NOP9: variants seen among roughly 807,000 people sequenced by gnomAD.
NOP9 encodes the protein NOP9 nucleolar protein.
Under a neutral mutation model 63.0 loss-of-function variants are expected in NOP9, and 50 were observed. The observed-to-expected ratio is 0.79, with a 90% CI of 0.63 to 1.00. The LOEUF is 1.00. Ranked by LOEUF, NOP9 falls within the 50% of genes least tolerant of loss-of-function variation. The pLI is 0.00. For synonymous variants in NOP9, 343 were observed against 332.8 expected (o/e 1.03, Z -0.33); for missense variants, 758 against 803.0 (o/e 0.94, Z 0.68).
At chr14:24,280,153 A>G in the NOP9 span, among the ~76,000 whole-genome samples, 2 of 152,226 alleles carry the variant, frequency 1.3e-5, no homozygotes, top group Non-Finnish European at 2.9e-5. Flanking sequence ...TGCCTCACTG[A>G]GCATACAGGC....
At chr14:24,293,903 A>T in the NOP9 span, 1 of 152,238 alleles carries the variant, frequency 6.6e-6, no homozygotes, top group African/African-American at 2.4e-5. Flanking sequence ...CAGTAGACTG[A>T]TAAGTCAATG....
chr14:24,285,206 G>GA, the NOP9 span, among the ~76,000 whole-genome samples: 2 of 152,216 alleles, frequency 1.3e-5, no homozygotes, highest in Non-Finnish European at 2.9e-5. Context: ...AGCCATGTTT[G>GA]GGTCCATATC....
upstream of NOP9, among the ~76,000 whole-genome samples, chr14:24,296,225 G>A (rs1259016332): frequency 1.3e-5 from 2 of 152,246 alleles, no homozygotes; most frequent in Non-Finnish European, 1.5e-5. Context: ...CTGAGAGGAG[G>A]AGGCTTCCTC....
rs767612914 is a variant in NOP9, at chr14:24,304,973, G to C, written c.1789G>C (p.Gly597Arg). The change falls in exon 10 of 10, where the codon GGC (glycine) becomes CGC (arginine). Residue 597 changes from glycine (G) to arginine (R), a missense_variant. Coordinates refer to ENST00000267425, the MANE Select transcript of NOP9 (RefSeq NM_174913.3). ...CCAGGAGCTGATAAGAGACCCTTTC[G>C]GCCACCATGTGGCTCGAAATGTGGC... ...QNQELIRDPF[G>R]HHVARNVALT... 4 of 1,581,978 alleles carry C rather than the reference G, an allele frequency of 2.5e-6. No individual in the cohort carries two copies. The highest frequency in any genetic ancestry group is 3.4e-6 in the Non-Finnish European group (4 of 1,165,670).
chr14:24,273,390 G>C, the NOP9 span, among the ~76,000 whole-genome samples: 2 of 152,156 alleles, frequency 1.3e-5, no homozygotes, highest in Non-Finnish European at 2.9e-5. Flanking sequence ...TGTTGGCCAG[G>C]CTGGTCTCAA....
chr14:24,299,278 A>G, upstream of NOP9: 2 of 722,294 alleles, frequency 2.8e-6, no homozygotes, highest in Non-Finnish European at 4.4e-6. Context: ...GAGGCTGACA[A>G]CTGGGTGCGG....
In NOP9 at chr14:24,305,733, T is replaced by C. The variant is rs765339323; in HGVS notation, c.*638T>C. ...TCCCAGCAACATATGGCCCAGGCCTTGCAGCAGTGTGGAGGTCCAACGAAG... is the reference window on the plus strand; with the variant it reads ...TCCCAGCAACATATGGCCCAGGCCTCGCAGCAGTGTGGAGGTCCAACGAAG... On this transcript the variant is annotated 3_prime_UTR_variant, in exon 10 of 10. Transcript: ENST00000267425. 3.7e-5 allele frequency: 60 copies of C among 1,614,070 alleles called. No individual in the cohort carries two copies. Among genetic ancestry groups the C allele is most frequent in the Non-Finnish European group, 4.9e-5 (58 of 1,180,038 alleles).
At chr14:24,286,058 G>A in the NOP9 span, among the ~76,000 whole-genome samples, 12 of 152,136 alleles carry the variant, frequency 7.9e-5, no homozygotes, top group South Asian at 2.1e-4. Flanking sequence ...GGAATTAAGC[G>A]TCTTCAGGGA....
Position 24,306,744 on chromosome 14 carries a change from T to C in NOP9, c.*1649T>C. ...TTTCCTCTTTGCTCCTACCATGTCA[T>C]TGGCATCTCCCCTTGCTCCCCTCCA... On this transcript the variant is annotated 3_prime_UTR_variant, in exon 10 of 10. Transcript: ENST00000267425. The C allele has an allele frequency of 1.7e-6, 1 of 573,860 alleles. No homozygotes were observed. Among genetic ancestry groups the C allele is most frequent in the South Asian group, 2.1e-5 (1 of 46,750 alleles). The allele number at this position is 573,860 out of a possible 1,614,324, so 35.5% of individuals were successfully genotyped here. A position where few individuals can be genotyped will look rare whatever the true frequency, so the allele number is the denominator to read the frequency against.
the NOP9 span, chr14:24,290,735 C>T: frequency 2.3e-6 from 3 of 1,279,428 alleles, no homozygotes; most frequent in Non-Finnish European, 3.3e-6. Context: ...GGACACACAG[C>T]AGAGGGCTTC....
At chr14:24,271,250 T>G in the NOP9 span, 1 of 1,200,026 alleles carries the variant, frequency 8.3e-7, no homozygotes, top group South Asian at 1.7e-5. Flanking sequence ...CAAGCGTGCC[T>G]GGGCAGAGAC....
Position 24,305,416 on chromosome 14 carries a change from A to G in NOP9, c.*321A>G. 8.1e-6 allele frequency: 5 copies of G among 619,176 alleles called. No homozygotes were observed. Among genetic ancestry groups the G allele is most frequent in the Non-Finnish European group, 1.1e-5 (4 of 378,438 alleles). The allele number at this position is 619,176 out of a possible 1,614,324, so 38.4% of individuals were successfully genotyped here. A position where few individuals can be genotyped will look rare whatever the true frequency, so the allele number is the denominator to read the frequency against. The stretch of plus-strand genomic sequence containing the variant: ...TTTCAGGGCAAGTGGGAGGCCAGAA[A>G]GGTGGCTAGGAAAGAACAGCATTCT... On this transcript the variant is annotated 3_prime_UTR_variant, in exon 10 of 10. Transcript: ENST00000267425.
the NOP9 span, among the ~76,000 whole-genome samples, chr14:24,284,913 C>T: frequency 6.6e-6 from 1 of 152,184 alleles, no homozygotes; most frequent in Non-Finnish European, 1.5e-5. Context: ...CCTCACTTCC[C>T]TGGCCTGCCA....
chr14:24,283,452 T>C, the NOP9 span, among the ~76,000 whole-genome samples: 30 of 151,948 alleles, frequency 2.0e-4, no homozygotes, highest in Non-Finnish European at 4.0e-4. Flanking sequence ...AAAAAAAACT[T>C]AACCAGGCAT....
chr14:24,304,883 A>G (rs2139134235), intron 9 of NOP9, 55 bp from the exon 10 acceptor site: 1 of 1,482,094 alleles, frequency 6.7e-7, no homozygotes, highest in Non-Finnish European at 9.0e-7. Context: ...CTTTACGTCA[A>G]GTAGAGTCTG....
Position 24,308,005 on chromosome 14 carries a change from G to C in NOP9, c.*2910G>C. The C allele has an allele frequency of 1.4e-6, 1 of 736,540 alleles. No individual in the cohort carries two copies. The allele number at this position is 736,540 out of a possible 1,614,324, so 45.6% of individuals were successfully genotyped here. ...GTCAAGCCTGGACTCTGGCCCCCCT[G>C]CCTGGCCAGTAAGAAGGGCAAAGTC... On this transcript the variant is annotated 3_prime_UTR_variant, in exon 10 of 10. Transcript: ENST00000267425.
chr14:24,274,458 C>T, the NOP9 span, among the ~76,000 whole-genome samples: 1 of 152,032 alleles, frequency 6.6e-6, no homozygotes, highest in African/African-American at 2.4e-5. Flanking sequence ...AGCTGGCTGG[C>T]ACAGAGAGGC....
At chr14:24,272,707 G>A in the NOP9 span, among the ~76,000 whole-genome samples, 1 of 152,128 alleles carries the variant, frequency 6.6e-6, no homozygotes, top group Non-Finnish European at 1.5e-5. Flanking sequence ...TGGCATTTGG[G>A]CTCTGCCTAC....
Position 24,307,672 on chromosome 14 carries a change from G to A in NOP9, c.*2577G>A. Reference sequence around the variant, plus strand: ...GACCATGGAGTGCAGGTGGGGGCGGGTGGCTCAGGAGCTTGACAAGCCCAC... The same window carrying A: ...GACCATGGAGTGCAGGTGGGGGCGGATGGCTCAGGAGCTTGACAAGCCCAC... On this transcript the variant is annotated 3_prime_UTR_variant, in exon 10 of 10. Coordinates refer to ENST00000267425, the MANE Select transcript of NOP9 (RefSeq NM_174913.3). The A allele has an allele frequency of 1.6e-6, 2 of 1,213,350 alleles. No individual in the cohort carries two copies. Among genetic ancestry groups the A allele is most frequent in the Non-Finnish European group, 2.4e-6 (2 of 847,506 alleles). 75.2% of individuals were successfully genotyped at this position (1,213,350 alleles called of 1,614,324 possible).
Sources: gnomAD v4.1 joint callset for allele counts (sites outside exome capture counted in the v4.1 genomes callset) on GRCh38, gnomAD v4.1.1 for gene constraint, MANE v1.5 for transcripts, NCBI Gene and HGNC (gene_info 2026-07-23, HGNC 2026-07-21) for gene names.